The following HDC variants were observed in gnomAD, a reference collection of about 807,000 sequenced individuals.
HDC encodes histidine decarboxylase.
Under a neutral mutation model 64.4 loss-of-function variants are expected in HDC, and 27 were observed. The observed-to-expected ratio is 0.42, with a 90% CI of 0.31 to 0.58. The LOEUF is 0.58. Among genes scored for constraint, HDC ranks in the 20% least tolerant of loss-of-function variants. The probability of loss-of-function intolerance (pLI) is 0.16; values close to 1 mark genes in which losing one functional copy is unlikely to be tolerated. For synonymous variants in HDC, 305 were observed against 314.2 expected (o/e 0.97, Z 0.31); for missense variants, 711 against 833.9 (o/e 0.85, Z 1.81).
chr15:50,254,105 A>C (rs2045594155), intron 6 of HDC, 25 bp downstream of exon 6: 1 of 1,613,752 alleles, frequency 6.2e-7, no homozygotes, highest in East Asian at 2.2e-5. Context: ...TATCATTCTA[A>C]GCTTAGGCAT....
Position 50,242,453 on chromosome 15 carries a change from G to A in HDC, c.1796C>T (p.Pro599Leu). The change falls in exon 12 of 12, where the codon CCC becomes CTC. Residue 599 changes from proline to leucine, a missense_variant. This residue lies in a region of HDC where 483 missense variants were observed against 540.9 expected (regional missense o/e 0.89). Transcript: ENST00000267845. ...SVPVSAQKPL[P>L]TEASVKNGGS... The stretch of plus-strand genomic sequence containing the variant: ...CCCATTCTTCACAGAGGCCTCTGTG[G>A]GCAGTGGCTTCTGAGCACTCACTGG... The A allele has an allele frequency of 6.2e-7, 1 of 1,614,054 alleles. No homozygotes were observed.
Position 50,254,075 on chromosome 15 carries a change from C to T in HDC, c.720+55G>A, listed in dbSNP as rs776019597. The T allele has an allele frequency of 1.4e-5, 23 of 1,602,224 alleles. No homozygotes were observed. The Admixed American group carries it at 2.0e-4, about 14-fold the overall frequency. ...TACTTACCTGAATTCTGCCAAAATT[C>T]CTTCCTCACATCCAAGTTCTATCAT... On this transcript the variant is annotated intron_variant, in intron 6 of 11. Coordinates refer to ENST00000267845, the MANE Select transcript of HDC (RefSeq NM_002112.4).
At chr15:50,252,972 A>C (rs2045578784) in intron 7 of HDC, 198 bp from the exon 8 acceptor site, 2 of 611,318 alleles carry the variant, frequency 3.3e-6, no homozygotes, top group African/African-American at 1.8e-5. Context: ...TCCGAATGGG[A>C]AAGTCTACAA....
intron 1 of HDC, among the ~76,000 whole-genome samples, chr15:50,264,870 C>T (rs1431140810): frequency 6.6e-6 from 1 of 152,226 alleles, no homozygotes; most frequent in Non-Finnish European, 1.5e-5. Context: ...TAACCCTCCA[C>T]TGATCCAGGA....
chr15:50,260,243 G>T (rs988779937), intron 2 of HDC, among the ~76,000 whole-genome samples: 2 of 151,952 alleles, frequency 1.3e-5, no homozygotes, highest in South Asian at 4.1e-4. Context: ...GGCTAGTCTC[G>T]AACTCCTGAC....
At chr15:50,251,073 G>A (rs1304446256) in intron 9 of HDC, among the ~76,000 whole-genome samples, 4 of 152,228 alleles carry the variant, frequency 2.6e-5, no homozygotes, top group Non-Finnish European at 5.9e-5. Flanking sequence ...CAGCACTTCA[G>A]TGTATTAATT....
chr15:50,264,616 T>C (rs2045744822), intron 1 of HDC, among the ~76,000 whole-genome samples: 1 of 152,200 alleles, frequency 6.6e-6, no homozygotes, highest in East Asian at 1.9e-4. Flanking sequence ...CATATCTCTT[T>C]GTCTGTCTCA....
At chr15:50,253,027 C>T in intron 7 of HDC, 2 of 552,988 alleles carry the variant, frequency 3.6e-6, no homozygotes, top group Non-Finnish European at 3.3e-6. Context: ...AGGGCCAGCA[C>T]CCTCTTGGCC....
chr15:50,253,977 C>A (rs984285895), intron 6 of HDC, 153 bp downstream of exon 6: 4 of 796,162 alleles, frequency 5.0e-6, no homozygotes, highest in Admixed American at 2.1e-5. Flanking sequence ...TTCCATAACA[C>A]ACCTATGGAT....
At chr15:50,253,876 C>T in intron 6 of HDC, 1 of 642,368 alleles carries the variant, frequency 1.6e-6, no homozygotes, top group South Asian at 1.9e-5. Flanking sequence ...AAAAAAGTTT[C>T]ATAAAACAAT....
chr15:50,260,861 A>T (rs1172573414), intron 2 of HDC, among the ~76,000 whole-genome samples: 4 of 152,150 alleles, frequency 2.6e-5, no homozygotes, highest in Non-Finnish European at 5.9e-5. Flanking sequence ...CATGAAAAGT[A>T]AATGAGGATT....
chr15:50,253,043 C>G (rs112939429), intron 7 of HDC: 22 of 528,036 alleles, frequency 4.2e-5, no homozygotes, highest in East Asian at 2.7e-4. Flanking sequence ...TGGCCTCAGC[C>G]TAGAACATCC....
At chr15:50,243,097 GCAC>G (rs2045425471) in intron 11 of HDC, 43 bp downstream of exon 11, 2 of 1,611,418 alleles carry the variant, frequency 1.2e-6, no homozygotes, top group Non-Finnish European at 1.7e-6. Context: ...AGGCTCTGGA[GCAC>G]CACAAGACAT....
chr15:50,243,299 C>A, intron 10 of HDC, 55 bp from the exon 11 acceptor site: 1 of 1,171,536 alleles, frequency 8.5e-7, no homozygotes, highest in Admixed American at 1.7e-5. Context: ...AGAGACTATG[C>A]ATAAACTTTC....
At chr15:50,243,102 A>G (rs771084083) in intron 11 of HDC, 41 bp downstream of exon 11, 1 of 1,611,868 alleles carries the variant, frequency 6.2e-7, no homozygotes, top group South Asian at 1.1e-5. Flanking sequence ...CTGGAGCACC[A>G]CAAGACATCA....
Position 50,242,341 on chromosome 15 carries a change from G to A in HDC, c.1908C>T (p.Phe636=). ...KKSAFKKLIK[F]YSVPSFPECS... is the part of the protein sequence containing the mutation. ...ATTCAGGAAAGCTGGGGACGCTGTA[G>A]AATTTGATGAGTTTTTTGAAGGCAC... Residue 636 remains phenylalanine, a synonymous_variant, in exon 12 of 12, where the codon TTC becomes TTT. Transcript: ENST00000267845. The A allele has an allele frequency of 6.2e-7, 1 of 1,614,122 alleles. No homozygotes were observed. The highest frequency in any genetic ancestry group is 8.5e-7 in the Non-Finnish European group (1 of 1,179,990).
Position 50,242,861 on chromosome 15 carries a change from T to C in HDC, c.1388A>G (p.Asp463Gly). 2 of 1,613,730 alleles carry C rather than the reference T, an allele frequency of 1.2e-6. No homozygotes were observed. The highest frequency in any genetic ancestry group is 8.5e-7 in the Non-Finnish European group (1 of 1,179,720). Residue 463 changes from aspartate (D) to glycine (G), a missense_variant, in exon 12 of 12, where the codon GAC (aspartate) becomes GGC (glycine). By Grantham distance (94) the Asp-to-Gly change is moderately conservative. Around this residue, in one of 3 missense-constraint regions of HDC, gnomAD observed 483 missense variants for 540.9 expected, o/e 0.89. Transcript: ENST00000267845. ...GGCAGCATCTCGAATGAGATTCCAG[T>C]CTCTCAGGATGTCATCCCTAGTGGT... ...QFTTRDDILRDWNLIRDAATL... is the reference protein window; with the variant it reads ...QFTTRDDILRGWNLIRDAATL...
intron 9 of HDC, among the ~76,000 whole-genome samples, chr15:50,250,867 C>T (rs898177101): frequency 6.6e-6 from 1 of 152,212 alleles, no homozygotes; most frequent in Non-Finnish European, 1.5e-5. Flanking sequence ...AGGCTTACCG[C>T]TGCAATTCTA....
chr15:50,261,788 C>A (rs993094841), intron 2 of HDC, among the ~76,000 whole-genome samples: 2 of 151,732 alleles, frequency 1.3e-5, no homozygotes, highest in African/African-American at 2.4e-5. Flanking sequence ...CAGCTCACCG[C>A]AACCTCCGCC....
Sources: gnomAD v4.1 joint callset for allele counts (sites outside exome capture counted in the v4.1 genomes callset) on GRCh38, gnomAD v4.1.1 for gene constraint, gnomAD v4.1.1 regional missense constraint, MANE v1.5 for transcripts, NCBI Gene and HGNC (gene_info 2026-07-23, HGNC 2026-07-21) for gene names.